Variants in ASTN2 observed in about 807,000 individuals in gnomAD.
ASTN2 encodes the protein astrotactin 2.
A neutral mutation model predicts 139.8 loss-of-function variants in ASTN2; 54 were observed. That is an observed-to-expected ratio of 0.39 (90% CI 0.31 to 0.48). ASTN2 has a LOEUF of 0.48. ASTN2 is among the 20% of genes least tolerant of loss of function. The probability of loss-of-function intolerance (pLI) is 0.95; values close to 1 mark genes in which losing one functional copy is unlikely to be tolerated. For missense variants in ASTN2, 1,565 were observed against 1,725.1 expected (o/e 0.91, Z 1.64); for synonymous variants, 756 against 719.5 (o/e 1.05, Z -0.81).
chr9:116,461,697 A>G (rs867426705), intron 20 of ASTN2, among the ~76,000 whole-genome samples: 2 of 152,120 alleles, frequency 1.3e-5, no homozygotes, highest in African/African-American at 2.4e-5. Context: ...TCATGATTCA[A>G]TAGAGGGCCT....
chr9:116,691,866 C>A (rs1370027668), intron 16 of ASTN2, among the ~76,000 whole-genome samples: 1 of 152,122 alleles, frequency 6.6e-6, no homozygotes, highest in Non-Finnish European at 1.5e-5. Context: ...AGAAAGCTGA[C>A]ATAAAAGGAA....
At chr9:117,071,856 G>A (rs1162502146) in intron 5 of ASTN2, among the ~76,000 whole-genome samples, 1 of 152,150 alleles carries the variant, frequency 6.6e-6, no homozygotes, top group Non-Finnish European at 1.5e-5. Flanking sequence ...GCAATGCCTA[G>A]CCCTGCTTCG....
intron 19 of ASTN2, among the ~76,000 whole-genome samples, chr9:116,527,291 C>T (rs572677848): frequency 3.2e-4 from 49 of 152,064 alleles, no homozygotes; most frequent in Non-Finnish European, 4.4e-4. Flanking sequence ...TGATAAGGGG[C>T]TAATATCTAA....
At chr9:117,118,714 T>C (rs3923774) in intron 4 of ASTN2, among the ~76,000 whole-genome samples, 26,303 of 152,072 alleles carry the variant, frequency 0.17, 2,594 homozygotes, top group Non-Finnish European at 0.23. Context: ...TTTTCCATCT[T>C]TTTCTCTTCC....
chr9:116,482,186 C>T (rs911950851), intron 20 of ASTN2, among the ~76,000 whole-genome samples: 11 of 152,174 alleles, frequency 7.2e-5, no homozygotes, highest in Admixed American at 2.0e-4. Flanking sequence ...ATTAGCCGGG[C>T]GTGGTGGCAG....
intron 2 of ASTN2, among the ~76,000 whole-genome samples, chr9:117,235,311 T>C (rs553651733): frequency 2.1e-4 from 32 of 152,180 alleles, no homozygotes; most frequent in African/African-American, 7.2e-4. Context: ...TTTATTGGTA[T>C]TGACAAATTG....
intron 7 of ASTN2, among the ~76,000 whole-genome samples, chr9:117,003,843 G>GA (rs953931624): frequency 1.5e-4 from 23 of 149,262 alleles, no homozygotes; most frequent in Non-Finnish European, 2.7e-4. Flanking sequence ...AAAAATAATG[G>GA]AAAAAAAAAT....
chr9:116,456,092 T>C (rs1345247125), intron 20 of ASTN2, among the ~76,000 whole-genome samples: 1 of 152,086 alleles, frequency 6.6e-6, no homozygotes, highest in Non-Finnish European at 1.5e-5. Flanking sequence ...TATTTGCAGA[T>C]GATATGATCT....
At chr9:117,381,130 G>T (rs1484880897) in intron 1 of ASTN2, among the ~76,000 whole-genome samples, 1 of 152,160 alleles carries the variant, frequency 6.6e-6, no homozygotes, top group East Asian at 1.9e-4. Context: ...GTGAAAGAAG[G>T]TCACAAAAGA....
chr9:116,578,176 TGAG>T (rs889975097), intron 19 of ASTN2, among the ~76,000 whole-genome samples: 1 of 152,044 alleles, frequency 6.6e-6, no homozygotes, highest in Admixed American at 6.5e-5. Context: ...AGAGCAATGA[TGAG>T]GACAGGGGCT....
chr9:116,578,217 C>A (rs968504514), intron 19 of ASTN2, among the ~76,000 whole-genome samples: 1 of 152,062 alleles, frequency 6.6e-6, no homozygotes, highest in Non-Finnish European at 1.5e-5. Context: ...AGCCCAGAGA[C>A]GACAGGACAA....
intron 1 of ASTN2, among the ~76,000 whole-genome samples, chr9:117,364,767 T>G (rs2130901724): frequency 6.6e-6 from 1 of 152,070 alleles, no homozygotes; most frequent in Admixed American, 6.6e-5. Context: ...ACGTCCACAC[T>G]GCATTCTATA....
intron 2 of ASTN2, among the ~76,000 whole-genome samples, chr9:117,236,594 C>A (rs934756741): frequency 6.6e-6 from 1 of 152,124 alleles, no homozygotes; most frequent in African/African-American, 2.4e-5. Context: ...TGCTCTCAAG[C>A]GCCTGAAATA....
chr9:116,451,409 A>T (rs1354342038), intron 20 of ASTN2, among the ~76,000 whole-genome samples: 1 of 152,106 alleles, frequency 6.6e-6, no homozygotes, highest in South Asian at 2.1e-4. Context: ...ATGAATGCCT[A>T]CTAGGTGCTG....
At chr9:116,677,923 T>C (rs1369980900) in intron 16 of ASTN2, among the ~76,000 whole-genome samples, 1 of 152,202 alleles carries the variant, frequency 6.6e-6, no homozygotes, top group Non-Finnish European at 1.5e-5. Context: ...TTACAAGTGC[T>C]GAAGCATCTG....
intron 10 of ASTN2, among the ~76,000 whole-genome samples, chr9:116,914,555 T>C (rs1834392784): frequency 6.7e-6 from 1 of 148,350 alleles, no homozygotes. Context: ...GTTTTATTAT[T>C]ATTATTATTA....
Position 116,858,927 on chromosome 9 carries a change from A to G in ASTN2, c.2040+4656T>C, listed in dbSNP as rs117800367. Among the ~76,000 whole-genome samples the G allele has an allele frequency of 4.5e-3, 691 of 152,316 alleles. 2 individuals carry two copies. Among genetic ancestry groups the G allele is most frequent in the Non-Finnish European group, 7.8e-3 (530 of 68,024 alleles). The stretch of plus-strand genomic sequence containing the variant: ...AAGTAACGCAAATTTATTATCTCAC[A>G]GTTCTACAATTTAAAAGTCTAACTT... On this transcript the variant is annotated intron_variant, in intron 11 of 22. Transcript: ENST00000313400.
At position 117,244,260 on chromosome 9, in the gene ASTN2, T is replaced by A. The variant is rs73517243; in HGVS notation, c.631-29518A>T. Among the ~76,000 whole-genome samples, 244 of 152,242 alleles carry A rather than the reference T, an allele frequency of 1.6e-3. 1 individual carries two copies. Among genetic ancestry groups the A allele is most frequent in the African/African-American group, 5.7e-3 (236 of 41,540 alleles). The stretch of plus-strand genomic sequence containing the variant: ...TTTTGGGTACTTTGTTATAGCAGTG[T>A]GAGAACAGTCTAATACAGTACACCT... On this transcript the variant is annotated intron_variant, in intron 2 of 22. Coordinates refer to ENST00000313400, the MANE Select transcript of ASTN2 (RefSeq NM_001365068.1).
intron 13 of ASTN2, among the ~76,000 whole-genome samples, chr9:116,779,375 T>A (rs1830160916): frequency 6.6e-6 from 1 of 152,130 alleles, no homozygotes; most frequent in Admixed American, 6.5e-5. Context: ...CAAGGCACCA[T>A]CTCAGAAAAG....
Sources: allele counts gnomAD v4.1 joint callset (sites outside exome capture counted in the v4.1 genomes callset), GRCh38; gene constraint gnomAD v4.1.1; transcripts MANE v1.5; gene names NCBI Gene and HGNC (gene_info 2026-07-23, HGNC 2026-07-21).